GJD4: variants seen among roughly 807,000 people sequenced by gnomAD.
GJD4 encodes the protein gap junction delta-4 protein.
Under a neutral mutation model 17.9 loss-of-function variants are expected in GJD4, and 18 were observed. That is an observed-to-expected ratio of 1.00 (90% CI 0.69 to 1.49). The LOEUF is 1.49. Among genes scored for constraint, GJD4 ranks in the 40% most tolerant of loss-of-function variants. The pLI, the probability that GJD4 is intolerant of heterozygous loss-of-function variation, is 0.00. For missense variants in GJD4, 639 were observed against 506.9 expected (o/e 1.26, Z -2.50); for synonymous variants, 293 against 236.8 (o/e 1.24, Z -2.18).
At position 35,607,766 on chromosome 10, in the gene GJD4, G is replaced by A. The variant is rs867645026; in HGVS notation, c.253G>A (p.Val85Ile). Residue 85 changes from valine (V) to isoleucine (I), a missense_variant, in exon 2 of 2, where the codon GTC becomes ATC. Coordinates refer to ENST00000321660, the MANE Select transcript of GJD4 (RefSeq NM_153368.3). ...GTTCTGGCTGATCCAGGGCGTGTGC[G>A]TCCTCCTCCCCTCCGCCGTCTTCAG... ...LRFWLIQGVCVLLPSAVFSVY... is the reference protein window; with the variant it reads ...LRFWLIQGVCILLPSAVFSVY... 3.7e-6 allele frequency: 6 copies of A among 1,610,966 alleles called. No homozygotes were observed. The African/African-American group carries it at 6.7e-5, about 18-fold the overall frequency.
chr10:35,607,636 G>C lies in GJD4; in HGVS notation c.123G>C (p.Gly41=). Residue 41 remains glycine, a synonymous_variant, in exon 2 of 2, where the codon GGG becomes GGC. Coordinates refer to ENST00000321660, the MANE Select transcript of GJD4 (RefSeq NM_153368.3). Reference sequence around the variant, plus strand: ...GGATGCTGGTGATTGTCTTGGCGGGGCGACCCGTCTACCAGGACGAGCAGG... The same window carrying C: ...GGATGCTGGTGATTGTCTTGGCGGGCCGACCCGTCTACCAGGACGAGCAGG... ...LLRMLVIVLA[G]RPVYQDEQER... 6.2e-7 allele frequency: 1 copy of C among 1,614,214 alleles called. No individual in the cohort carries two copies. The highest frequency in any genetic ancestry group is 8.5e-7 in the Non-Finnish European group (1 of 1,180,038).
intron 1 of GJD4, 129 bp downstream of exon 1, chr10:35,605,760 C>T: frequency 1.4e-6 from 1 of 712,748 alleles, no homozygotes; most frequent in Non-Finnish European, 2.5e-6. Context: ...AAAGTCCACC[C>T]ACTCCCAAAA....
rs985534810 is a variant in GJD4 at position 35,605,367 on chromosome 10, C to T, written c.-201C>T. On this transcript the variant is annotated 5_prime_UTR_variant, in exon 1 of 2. Coordinates refer to ENST00000321660, the MANE Select transcript of GJD4 (RefSeq NM_153368.3). ...GTCACTGCAGTTGTCAGGAATGTTT[C>T]GCCTCAGAGGCAAACGGCTTAGGGC... The T allele has an allele frequency of 2.3e-5, 14 of 613,030 alleles. No homozygotes were observed. Among genetic ancestry groups the T allele is most frequent in the South Asian group, 7.7e-5 (4 of 52,088 alleles). The allele number at this position is 613,030 out of a possible 1,614,324, so 38.0% of individuals were successfully genotyped here.
chr10:35,605,580 G>C lies in GJD4; in HGVS notation c.13G>C (p.Asp5His). The C allele has an allele frequency of 3.7e-6, 6 of 1,614,018 alleles. No homozygotes were observed. Among genetic ancestry groups the C allele is most frequent in the Non-Finnish European group, 4.2e-6 (5 of 1,179,894 alleles). The part of the protein sequence containing the change: MEGV[D>H]LLGFLIITLN... The stretch of plus-strand genomic sequence containing the variant: ...ACATTCTGGAAGCATGGAAGGCGTG[G>C]ACTTGCTAGGGTTTCTCATCATCAC... The change falls in exon 1 of 2, where the codon GAC becomes CAC. Residue 5 changes from aspartate to histidine, a missense_variant. Asp to His is a moderately conservative substitution (Grantham distance 81). Transcript: ENST00000321660.
rs2135487031 is a variant in GJD4 at position 35,605,435 on chromosome 10, C to A, written c.-133C>A. Reference sequence around the variant, plus strand: ...AGAAAAACCCACCTCCTACTCCTGGCTCAGACCTTTGCTTTCTTATCTCCA... The same window carrying A: ...AGAAAAACCCACCTCCTACTCCTGGATCAGACCTTTGCTTTCTTATCTCCA... On this transcript the variant is annotated 5_prime_UTR_variant, in exon 1 of 2. Transcript: ENST00000321660. The A allele has an allele frequency of 1.3e-6, 1 of 765,786 alleles. No individual in the cohort carries two copies. Among genetic ancestry groups the A allele is most frequent in the Non-Finnish European group, 2.3e-6 (1 of 438,962 alleles). The allele number at this position is 765,786 out of a possible 1,614,324, so 47.4% of individuals were successfully genotyped here. A position where few individuals can be genotyped will look rare whatever the true frequency, so the allele number is the denominator to read the frequency against.
intron 1 of GJD4, chr10:35,606,600 T>G (rs1463826842): frequency 6.6e-6 from 1 of 152,232 alleles, no homozygotes; most frequent in Non-Finnish European, 1.5e-5. Flanking sequence ...ACTCATCACA[T>G]AATGATATTA....
Position 35,608,487 on chromosome 10 carries a change from C to T in GJD4, c.974C>T (p.Ser325Leu), listed in dbSNP as rs376870967. The stretch of plus-strand genomic sequence containing the variant: ...GAGGCCGCCCAGGACCCCAGGGGCT[C>T]AGGATCCGAGGAGCAGCCCTCAGCA... ...HREAAQDPRG[S>L]GSEEQPSAAP... Residue 325 changes from serine (S) to leucine (L), a missense_variant, in exon 2 of 2, where the codon TCA (serine) becomes TTA (leucine). Coordinates refer to ENST00000321660, the MANE Select transcript of GJD4 (RefSeq NM_153368.3). 2.6e-6 allele frequency: 4 copies of T among 1,549,540 alleles called. No individual in the cohort carries two copies. The African/African-American group carries it at 5.5e-5, about 21-fold the overall frequency.
rs767657121 is a variant in GJD4, at chr10:35,607,739, C to A, written c.226C>A (p.Arg76=). 8.1e-6 allele frequency: 13 copies of A among 1,613,362 alleles called. No homozygotes were observed. In the South Asian group the frequency reaches 1.3e-4, roughly 16 times the overall value. Residue 76 remains arginine, a synonymous_variant, in exon 2 of 2, where the codon CGG becomes AGG. Transcript: ENST00000321660. ...YDVFSPVSHL[R]FWLIQGVCVL... is the part of the protein sequence containing the mutation. The stretch of plus-strand genomic sequence containing the variant: ...CGTCTTCTCCCCCGTGTCTCACCTG[C>A]GGTTCTGGCTGATCCAGGGCGTGTG...
At chr10:35,607,373 G>A (rs572721861) in intron 1 of GJD4, 42 of 584,494 alleles carry the variant, frequency 7.2e-5, no homozygotes, top group Middle Eastern at 4.5e-4. Context: ...AGCACTTGAG[G>A]CCAGGAGTTC....
rs1215875000 is a variant in GJD4, at chr10:35,608,402, G to C, written c.889G>C (p.Glu297Gln). 6.5e-7 allele frequency: 1 copy of C among 1,550,200 alleles called. No homozygotes were observed. The highest frequency in any genetic ancestry group is 1.4e-5 in the African/African-American group (1 of 73,252). The part of the protein sequence containing the change: ...HTKIPDEDES[E>Q]VTSSASEKLG... ...GAAGATTCCGGATGAGGATGAGAGT[G>C]AGGTGACATCCTCCGCCAGCGAAAA... Residue 297 changes from glutamate (E) to glutamine (Q), a missense_variant, in exon 2 of 2, where the codon GAG becomes CAG. Transcript: ENST00000321660.
rs563773627 is a variant in GJD4 at position 35,607,567 on chromosome 10, C to T, written c.65-11C>T. On this transcript the variant is annotated splice_polypyrimidine_tract_variant and intron_variant, in intron 1 of 1. Transcript: ENST00000321660. ...GGGGTGATGAGGCCATGCCCGCTTC[C>T]TCTCTTCCAGGAAAGCTCTGGTTCG... is the stretch of plus-strand genomic sequence containing the variant. 4.4e-6 allele frequency: 7 copies of T among 1,608,816 alleles called. No homozygotes were observed. The African/African-American group carries it at 6.7e-5, about 15-fold the overall frequency.
At position 35,608,394 on chromosome 10, in the gene GJD4, A is replaced by G. The variant is rs1835492473; in HGVS notation, c.881A>G (p.Asp294Gly). The change falls in exon 2 of 2, where the codon GAT (aspartate) becomes GGT (glycine). Residue 294 changes from aspartate (D) to glycine (G), a missense_variant. Transcript: ENST00000321660. ...GGGCACACGAAGATTCCGGATGAGG[A>G]TGAGAGTGAGGTGACATCCTCCGCC... is the stretch of plus-strand genomic sequence containing the variant. ...VSGHTKIPDE[D>G]ESEVTSSASE... 1 of 1,550,440 alleles carries G rather than the reference A, an allele frequency of 6.4e-7. No individual in the cohort carries two copies. The highest frequency in any genetic ancestry group is 8.7e-7 in the Non-Finnish European group (1 of 1,147,522).
At chr10:35,605,795 G>A (rs954725861) in intron 1 of GJD4, 164 bp downstream of exon 1, 1 of 621,252 alleles carries the variant, frequency 1.6e-6, no homozygotes, top group Non-Finnish European at 2.9e-6. Flanking sequence ...TTTCTGGAGG[G>A]AAGAGAGCTG....
exon 2 of GJD4, chr10:35,608,934 TCAAAA>T: frequency 1.4e-5 from 1 of 69,196 alleles, no homozygotes; most frequent in Non-Finnish European, 2.3e-5. Flanking sequence ...TGAGACCCTG[TCAAAA>T]AAAAAAAAAA....
Position 35,605,620 on chromosome 10 carries a change from T to C in GJD4, c.53T>C (p.Val18Ala). 1 of 1,613,198 alleles carries C rather than the reference T, an allele frequency of 6.2e-7. No homozygotes were observed. Residue 18 changes from valine (V) to alanine (A), a missense_variant, in exon 1 of 2, where the codon GTG becomes GCG. Val to Ala is a moderately conservative substitution (Grantham distance 64). Transcript: ENST00000321660. ...CTCATCATCACATTAAACTGCAACG[T>C]GACCATGGTGGGTGAGTATTGGGAC... ...GFLIITLNCNVTMVGKLWFVL... is the reference protein window; with the variant it reads ...GFLIITLNCNATMVGKLWFVL...
rs887531079 is a variant in GJD4 at position 35,605,588 on chromosome 10, A to C, written c.21A>C (p.Leu7=). 1 of 1,613,978 alleles carries C rather than the reference A, an allele frequency of 6.2e-7. No homozygotes were observed. The part of the protein sequence containing the change: MEGVDL[L]GFLIITLNCN... ...GAAGCATGGAAGGCGTGGACTTGCT[A>C]GGGTTTCTCATCATCACATTAAACT... Residue 7 remains leucine (L), a synonymous_variant, in exon 1 of 2, where the codon CTA becomes CTC. Transcript: ENST00000321660.
chr10:35,608,344 C>A lies in GJD4; in HGVS notation c.831C>A (p.Ser277Arg). The change falls in exon 2 of 2, where the codon AGC becomes AGA. Residue 277 changes from serine (S) to arginine (R), a missense_variant. Ser to Arg is a moderately radical substitution (Grantham distance 110). Transcript: ENST00000321660. ...GCGCCGGAGGGGAGGGGGCTGGCAG[C>A]CCCAGGCGTACATCCAGGGTGTCAG... ...GARAGGEGAGSPRRTSRVSGH... is the reference protein window; with the variant it reads ...GARAGGEGAGRPRRTSRVSGH... 6.4e-7 allele frequency: 1 copy of A among 1,550,656 alleles called. No homozygotes were observed. The highest frequency in any genetic ancestry group is 8.7e-7 in the Non-Finnish European group (1 of 1,148,228).
At position 35,607,839 on chromosome 10, in the gene GJD4, G is replaced by A. The variant is rs1480150475; in HGVS notation, c.326G>A (p.Arg109His). Residue 109 changes from arginine to histidine, a missense_variant, in exon 2 of 2, where the codon CGC becomes CAC. Arg to His is a conservative substitution (Grantham distance 29, BLOSUM62 0). Coordinates refer to ENST00000321660, the MANE Select transcript of GJD4 (RefSeq NM_153368.3). ...GCCACGCTCGCCGCGCTGGGCCCCC[G>A]CCGCTGCCCCGACCCCCGGGAGCCG... is the stretch of plus-strand genomic sequence containing the variant. ...RGATLAALGP[R>H]RCPDPREPAS... 6.2e-7 allele frequency: 1 copy of A among 1,600,098 alleles called. No homozygotes were observed.
Position 35,605,606 on chromosome 10 carries a change from A to G in GJD4, c.39A>G (p.Thr13=), listed in dbSNP as rs1193019218. 3 of 1,613,820 alleles carry G rather than the reference A, an allele frequency of 1.9e-6. No homozygotes were observed. The highest frequency in any genetic ancestry group is 2.5e-6 in the Non-Finnish European group (3 of 1,179,818). The part of the protein sequence containing the change: ...GVDLLGFLII[T]LNCNVTMVGK... ...ACTTGCTAGGGTTTCTCATCATCAC[A>G]TTAAACTGCAACGTGACCATGGTGG... is the stretch of plus-strand genomic sequence containing the variant. Residue 13 remains threonine, a synonymous_variant, in exon 1 of 2, where the codon ACA becomes ACG. Coordinates refer to ENST00000321660, the MANE Select transcript of GJD4 (RefSeq NM_153368.3).
Sources: allele counts gnomAD v4.1 joint callset, GRCh38; gene constraint gnomAD v4.1.1; transcripts MANE v1.5; gene names NCBI Gene and HGNC (gene_info 2026-07-23, HGNC 2026-07-21).